Variants in NPHP1 observed in about 807,000 individuals in gnomAD.
NPHP1 encodes the protein nephrocystin 1.
In NPHP1, 70 loss-of-function variants were observed where a neutral mutation model predicts 90.4. The observed-to-expected ratio is 0.77, with a 90% CI of 0.64 to 0.95. The LOEUF (loss-of-function observed/expected upper bound fraction) is 0.95, where lower values mean the gene tolerates loss of function less well. Ranked by LOEUF, NPHP1 falls within the 40% of genes least tolerant of loss-of-function variation. The pLI is 0.00. For missense variants in NPHP1, 764 were observed against 795.9 expected (o/e 0.96, Z 0.48); for synonymous variants, 256 against 271.7 (o/e 0.94, Z 0.57).
At chr2:110,198,818 A>C (rs138390312) in intron 2 of NPHP1, among the ~76,000 whole-genome samples, 56 of 152,270 alleles carry the variant, frequency 3.7e-4, no homozygotes, top group African/African-American at 1.3e-3. Context: ...TAACAGTAGA[A>C]AAGCCCATGA....
chr2:110,186,992 G>A (rs1031726241), intron 2 of NPHP1, among the ~76,000 whole-genome samples: 5 of 152,052 alleles, frequency 3.3e-5, no homozygotes, highest in Middle Eastern at 3.2e-3. Flanking sequence ...AAGAGACAAC[G>A]TATCAGAATC....
chr2:110,150,974 T>C (rs1681424613), intron 11 of NPHP1, among the ~76,000 whole-genome samples: 1 of 149,422 alleles, frequency 6.7e-6, no homozygotes, highest in Admixed American at 6.7e-5. Flanking sequence ...GAGACCAGCC[T>C]GGCCAACATG....
intron 2 of NPHP1, among the ~76,000 whole-genome samples, chr2:110,190,850 T>G (rs1684668600): frequency 6.6e-6 from 1 of 151,528 alleles, no homozygotes; most frequent in African/African-American, 2.4e-5. Context: ...AGTCTAAAAA[T>G]AAGCAAATTT....
intron 7 of NPHP1, 38 bp downstream of exon 7, chr2:110,165,014 T>G: frequency 4.7e-6 from 7 of 1,474,050 alleles, no homozygotes; most frequent in Non-Finnish European, 6.6e-6. Flanking sequence ...ATAAAATGTT[T>G]CCTAAACCTA....
At chr2:110,158,122 C>A (rs1249826677) in intron 11 of NPHP1, among the ~76,000 whole-genome samples, 3 of 151,752 alleles carry the variant, frequency 2.0e-5, no homozygotes, top group Admixed American at 2.0e-4. Flanking sequence ...ATTTATCTTC[C>A]TGTTACTGAT....
rs564605452 is a variant in NPHP1, at chr2:110,160,126, C to T, written c.1083+1G>A. ...ATTGATTTACTTCTCAGTAACCTTACCTTATTACCATCAAATAGACAGAGG... is the reference window on the plus strand; with the variant it reads ...ATTGATTTACTTCTCAGTAACCTTATCTTATTACCATCAAATAGACAGAGG... On this transcript the variant is annotated splice_donor_variant, in intron 11 of 19. Transcript: ENST00000445609. LOFTEE classifies it high-confidence loss of function. The T allele has an allele frequency of 1.9e-6, 3 of 1,612,774 alleles. No individual in the cohort carries two copies. In the East Asian group the frequency reaches 6.7e-5, roughly 36 times the overall value.
At chr2:110,129,318 C>T (rs1679612294) in intron 17 of NPHP1, 59 bp from the exon 18 acceptor site, 4 of 1,177,332 alleles carry the variant, frequency 3.4e-6, no homozygotes, top group Non-Finnish European at 5.1e-6. Context: ...GATTTTATTG[C>T]AATAGACACA....
At chr2:110,143,679 A>C (rs1161260601) in intron 15 of NPHP1, 38 bp from the exon 16 acceptor site, 3 of 1,353,506 alleles carry the variant, frequency 2.2e-6, no homozygotes, top group Non-Finnish European at 2.1e-6. Context: ...CGAAACTTTA[A>C]GTACTTGAGA....
Position 110,161,794 on chromosome 2 carries a change from C to G in NPHP1, c.860-97G>C, listed in dbSNP as rs1682363523. On this transcript the variant is annotated intron_variant, in intron 9 of 19. Transcript: ENST00000445609. ...CTATGAACTAGAGTACAGGCACTTCCAAAATGCCACGCTGCTTACTAAGAA... is the reference window on the plus strand; with the variant it reads ...CTATGAACTAGAGTACAGGCACTTCGAAAATGCCACGCTGCTTACTAAGAA... The G allele has an allele frequency of 7.6e-6, 6 of 793,698 alleles. No individual in the cohort carries two copies. The Admixed American group carries it at 8.3e-5, about 11-fold the overall frequency. The allele number at this position is 793,698 out of a possible 1,614,324, so 49.2% of individuals were successfully genotyped here. A position where few individuals can be genotyped will look rare whatever the true frequency, so the allele number is the denominator to read the frequency against.
At chr2:110,184,047 T>G (rs929979021) in intron 2 of NPHP1, 2 of 497,350 alleles carry the variant, frequency 4.0e-6, no homozygotes, top group Non-Finnish European at 8.1e-6. Flanking sequence ...CAGGAGAGAT[T>G]CCTCTGCCGT....
chr2:110,142,590 G>A (rs1433805588), intron 16 of NPHP1, among the ~76,000 whole-genome samples: 2 of 151,670 alleles, frequency 1.3e-5, no homozygotes, highest in Non-Finnish European at 2.9e-5. Context: ...GGCCTCAAGC[G>A]ATTCTACCAC....
chr2:110,201,295 A>T, intron 2 of NPHP1, 126 bp downstream of exon 2: 1 of 740,654 alleles, frequency 1.4e-6, no homozygotes, highest in Non-Finnish European at 2.3e-6. Flanking sequence ...TTTCTTCTAC[A>T]TTCAACTTAC....
chr2:110,129,250 C>CTAAT lies in NPHP1; in HGVS notation c.1648_1651dup (p.Ser551AsnfsTer2). The CTAAT allele has an allele frequency of 6.2e-7, 1 of 1,612,666 alleles. No homozygotes were observed. Among genetic ancestry groups the CTAAT allele is most frequent in the Non-Finnish European group, 8.5e-7 (1 of 1,178,854 alleles). On this transcript the variant is annotated stop_gained and frameshift_variant, in exon 18 of 20. Transcript: ENST00000445609. LOFTEE classifies it high-confidence loss of function. ...GGGGAAGGTGGCCAGCATGGGATGG[C>CTAAT]TAATTAAATCTGAAATGCAAAACAA... is the stretch of plus-strand genomic sequence containing the variant.
At chr2:110,135,131 T>G (rs1402429897) in intron 16 of NPHP1, among the ~76,000 whole-genome samples, 1 of 151,942 alleles carries the variant, frequency 6.6e-6, no homozygotes, top group East Asian at 1.9e-4. Flanking sequence ...AAATCGTACT[T>G]TATACACTAA....
chr2:110,142,533 G>C (rs62160546), intron 16 of NPHP1, among the ~76,000 whole-genome samples: 1 of 150,330 alleles, frequency 6.7e-6, no homozygotes, highest in Non-Finnish European at 1.5e-5. Flanking sequence ...TTTTTTTTTG[G>C]TAGAGATGGG....
rs368193474 is a variant in NPHP1, at chr2:110,154,081, CAT to C, written c.1084-3827_1084-3826del. On this transcript the variant is annotated intron_variant, in intron 11 of 19. Transcript: ENST00000445609. ...TGAATTGTAACTCCCACAATTCTCA[CAT>C]GTCATGGGAGAATCCAGTGGGTGGT... is the stretch of plus-strand genomic sequence containing the variant. Among the ~76,000 whole-genome samples, 286 of 152,150 alleles carry C rather than the reference CAT, an allele frequency of 1.9e-3. 2 individuals are homozygous for C. The highest frequency in any genetic ancestry group is 6.7e-3 in the African/African-American group (279 of 41,514).
At chr2:110,170,311 T>C (rs1312877046) in intron 4 of NPHP1, among the ~76,000 whole-genome samples, 13 of 152,178 alleles carry the variant, frequency 8.5e-5, no homozygotes, top group Non-Finnish European at 4.4e-5. Flanking sequence ...ATGAAGTACT[T>C]AGAGCATAGG....
At chr2:110,203,874 T>A (rs1029683180) in intron 1 of NPHP1, among the ~76,000 whole-genome samples, 1 of 151,688 alleles carries the variant, frequency 6.6e-6, no homozygotes, top group Non-Finnish European at 1.5e-5. Flanking sequence ...GCTCAGGTGA[T>A]CCTCCTGTCT....
rs74878641 is a variant in NPHP1 at position 110,144,977 on chromosome 2, G to A, written c.1353-408C>T. On this transcript the variant is annotated intron_variant, in intron 14 of 19. Transcript: ENST00000445609. ...CTTATATTATTTTTAAAATATAAAAGTAACGTGTAGATTATTATAAAAAGT... is the reference window on the plus strand; with the variant it reads ...CTTATATTATTTTTAAAATATAAAAATAACGTGTAGATTATTATAAAAAGT... Among the ~76,000 whole-genome samples the A allele has an allele frequency of 2.3e-3, 343 of 152,044 alleles. 15 individuals carry two copies. The East Asian group carries it at 0.064, about 28-fold the overall frequency.
Sources: gnomAD v4.1 joint callset for allele counts (sites outside exome capture counted in the v4.1 genomes callset) on GRCh38, gnomAD v4.1.1 for gene constraint, MANE v1.5 for transcripts, NCBI Gene and HGNC (gene_info 2026-07-23, HGNC 2026-07-21) for gene names.